The following CTIF variants were observed in gnomAD, a reference collection of about 807,000 sequenced individuals.
CTIF encodes cap binding complex dependent translation initiation factor, also known as CBP80/20-dependent translation initiation factor.
CTIF carries 21 observed loss-of-function variants against 66.0 expected under a neutral mutation model. That is an observed-to-expected ratio of 0.32 (90% CI 0.23 to 0.46). The LOEUF is 0.46. Among genes scored for constraint, CTIF ranks in the 20% least tolerant of loss-of-function variants. The pLI is 1.00. For missense variants in CTIF, 739 were observed against 812.7 expected, an observed-to-expected ratio of 0.91 and a Z score of 1.10; for synonymous variants, 345 against 326.4, an observed-to-expected ratio of 1.06 and a Z score of -0.62.
At chr18:48,857,293 C>G (rs2069350756) in intron 10 of CTIF, among the ~76,000 whole-genome samples, 1 of 152,266 alleles carries the variant, frequency 6.6e-6, no homozygotes, top group Non-Finnish European at 1.5e-5. Flanking sequence ...TGCAGGCTTT[C>G]TCTTCAGTGG....
chr18:48,743,353 CAA>C lies in CTIF; in HGVS notation c.585-14564_585-14563del, dbSNP rs2092570691. On this transcript the variant is annotated intron_variant, in intron 7 of 11. Transcript: ENST00000256413. Reference sequence around the variant, plus strand: ...ACTCTCGGGTCTCAGCATTTAGAAACAAAGCAAGAATATTACAAAATCAAACC... The same window carrying C: ...ACTCTCGGGTCTCAGCATTTAGAAACAGCAAGAATATTACAAAATCAAACC... Among the ~76,000 whole-genome samples the C allele has an allele frequency of 2.0e-5, 3 of 152,338 alleles. No individual in the cohort carries two copies. The South Asian group carries it at 6.2e-4, about 32-fold the overall frequency.
intron 7 of CTIF, among the ~76,000 whole-genome samples, chr18:48,736,482 C>G (rs1371315246): frequency 6.6e-6 from 1 of 152,220 alleles, no homozygotes; most frequent in Non-Finnish European, 1.5e-5. Flanking sequence ...TCATGGAACG[C>G]TCCACCCAGA....
intron 6 of CTIF, among the ~76,000 whole-genome samples, chr18:48,705,999 AG>A (rs1328732875): frequency 6.6e-6 from 1 of 152,144 alleles, no homozygotes; most frequent in Admixed American, 6.5e-5. Flanking sequence ...ATTCTCCATC[AG>A]GTGCACTGTT....
At chr18:48,639,882 AG>A (rs2144659001) in intron 3 of CTIF, among the ~76,000 whole-genome samples, 2 of 152,120 alleles carry the variant, frequency 1.3e-5, no homozygotes, top group African/African-American at 4.8e-5. Context: ...TTTCCTTCCC[AG>A]GAAACTCTGA....
chr18:48,675,573 G>T (rs772122088), intron 6 of CTIF, among the ~76,000 whole-genome samples: 24 of 152,336 alleles, frequency 1.6e-4, no homozygotes, highest in Non-Finnish European at 2.8e-4. Context: ...CCCACTCAAT[G>T]CCCAGGCCCT....
At chr18:48,734,201 C>G (rs988175908) in intron 7 of CTIF, among the ~76,000 whole-genome samples, 3 of 152,218 alleles carry the variant, frequency 2.0e-5, no homozygotes, top group African/African-American at 7.2e-5. Flanking sequence ...AGTGGGGAGA[C>G]CCTCGGCTGC....
At chr18:48,799,003 G>A (rs775251099) in intron 9 of CTIF, among the ~76,000 whole-genome samples, 1 of 152,148 alleles carries the variant, frequency 6.6e-6, no homozygotes, top group Non-Finnish European at 1.5e-5. Flanking sequence ...GCCTCCTCTC[G>A]CTGCCACCAG....
At chr18:48,772,421 G>A (rs1910240233) in intron 9 of CTIF, among the ~76,000 whole-genome samples, 2 of 143,712 alleles carry the variant, frequency 1.4e-5, no homozygotes, top group South Asian at 4.2e-4. Flanking sequence ...CCATCCCCCG[G>A]CACCCCACCA....
At chr18:48,801,360 G>A (rs2068045741) in intron 9 of CTIF, among the ~76,000 whole-genome samples, 1 of 152,244 alleles carries the variant, frequency 6.6e-6, no homozygotes, top group Non-Finnish European at 1.5e-5. Flanking sequence ...CCTAGACTTT[G>A]TGTCCTTCTC....
At chr18:48,833,847 G>T (rs547146342) in intron 10 of CTIF, among the ~76,000 whole-genome samples, 1 of 152,208 alleles carries the variant, frequency 6.6e-6, no homozygotes, top group Non-Finnish European at 1.5e-5. Context: ...ACAGGCAAGA[G>T]GGAAGGTCTT....
At chr18:48,755,914 G>A (rs1908314215) in intron 7 of CTIF, 1 of 152,224 alleles carries the variant, frequency 6.6e-6, no homozygotes, top group African/African-American at 2.4e-5. Context: ...AAAGAAGACA[G>A]ACAGGCCAGG....
chr18:48,781,958 TAA>T (rs1234314818), intron 9 of CTIF, among the ~76,000 whole-genome samples: 11 of 152,164 alleles, frequency 7.2e-5, no homozygotes, highest in Non-Finnish European at 1.2e-4. Flanking sequence ...ACGTAAATGT[TAA>T]AGAGTTGTAC....
rs149117653 is a variant in CTIF, at chr18:48,618,413, TAAAAG to T, written c.-28-1124_-28-1120del. Among the ~76,000 whole-genome samples, 757 of 152,330 alleles carry T rather than the reference TAAAAG, an allele frequency of 5.0e-3. 4 individuals are homozygous for T. The highest frequency in any genetic ancestry group is 0.034 in the Middle Eastern group (10 of 294). Reference sequence around the variant, plus strand: ...AAGTCTGTTCTACTAGTTGTGATACTAAAAGCATGTGCAGACTCTGTTTTCTCTGG... The same window carrying T: ...AAGTCTGTTCTACTAGTTGTGATACTCATGTGCAGACTCTGTTTTCTCTGG... On this transcript the variant is annotated intron_variant, in intron 1 of 11. Coordinates refer to ENST00000256413, the MANE Select transcript of CTIF (RefSeq NM_014772.3).
intron 9 of CTIF, among the ~76,000 whole-genome samples, chr18:48,816,657 A>C (rs1379682009): frequency 1.3e-5 from 2 of 149,266 alleles, no homozygotes; most frequent in Non-Finnish European, 3.0e-5. Context: ...ATTTTTAAGG[A>C]GGATGAATGA....
intron 10 of CTIF, among the ~76,000 whole-genome samples, chr18:48,830,401 TG>T (rs1301035405): frequency 6.6e-6 from 1 of 152,132 alleles, no homozygotes; most frequent in East Asian, 1.9e-4. Flanking sequence ...TGACCTCAGG[TG>T]ATCCGCCCAC....
chr18:48,744,913 C>T (rs2092583856), intron 7 of CTIF, among the ~76,000 whole-genome samples: 1 of 151,870 alleles, frequency 6.6e-6, no homozygotes, highest in Non-Finnish European at 1.5e-5. Flanking sequence ...AGCTCCGCCT[C>T]CCGGATTCAT....
chr18:48,763,214 C>T (rs1909183722), intron 9 of CTIF, among the ~76,000 whole-genome samples: 1 of 152,162 alleles, frequency 6.6e-6, no homozygotes, highest in Non-Finnish European at 1.5e-5. Context: ...CAGGATGGGG[C>T]AAGAGTTCTA....
intron 5 of CTIF, among the ~76,000 whole-genome samples, chr18:48,667,082 GACACACACACACACAC>G (rs4044188): frequency 1.4e-5 from 2 of 142,180 alleles, no homozygotes; most frequent in Non-Finnish European, 3.1e-5. Flanking sequence ...CAGGAAAGTA[GACACACACACACACAC>G]ACACACACAC....
intron 10 of CTIF, among the ~76,000 whole-genome samples, chr18:48,822,411 C>G (rs1462209582): frequency 1.3e-5 from 2 of 151,982 alleles, no homozygotes; most frequent in Non-Finnish European, 2.9e-5. Context: ...ACCATAGTCA[C>G]CCTACTGTGC....
Sources: allele counts gnomAD v4.1 joint callset (sites outside exome capture counted in the v4.1 genomes callset), GRCh38; gene constraint gnomAD v4.1.1; transcripts MANE v1.5; gene names NCBI Gene and HGNC (gene_info 2026-07-23, HGNC 2026-07-21).